Variants in TMEM59L observed in about 807,000 individuals in gnomAD.
TMEM59L encodes the protein transmembrane protein 59 like, also known as transmembrane protein 59-like.
In TMEM59L, 31 loss-of-function variants were observed where a neutral mutation model predicts 39.6. The ratio of observed to expected loss-of-function variants is 0.78; its 90% CI spans 0.59 to 1.06. The LOEUF (loss-of-function observed/expected upper bound fraction) is 1.06. Among genes scored for constraint, TMEM59L ranks in the 50% least tolerant of loss-of-function variants. TMEM59L has a pLI of 0.00. For missense variants in TMEM59L, 441 were observed against 451.3 expected (o/e 0.98, Z 0.21); for synonymous variants, 219 against 202.9 (o/e 1.08, Z -0.68).
Position 18,613,872 on chromosome 19 carries a change from G to A in TMEM59L, c.172G>A (p.Ala58Thr), listed in dbSNP as rs201488046. ...AGCCCCCTGTCCTCCCCTCCCCCAG[G>A]CGGGGCTGGAGGGCGCCTCCGAGTC... is the stretch of plus-strand genomic sequence containing the variant. ...DRDLGPQPSQ[A>T]GLEGASESPY... Residue 58 changes from alanine to threonine, a missense_variant and splice_region_variant, in exon 2 of 8, where the codon GCG becomes ACG. Transcript: ENST00000262817. 17 of 1,609,880 alleles carry A rather than the reference G, an allele frequency of 1.1e-5. No individual in the cohort carries two copies. Among genetic ancestry groups the A allele is most frequent in the Non-Finnish European group, 1.4e-5 (16 of 1,178,844 alleles).
Position 18,614,167 on chromosome 19 carries a change from A to G in TMEM59L, c.380A>G (p.Gln127Arg). 36 of 1,606,284 alleles carry G rather than the reference A, an allele frequency of 2.2e-5. No individual in the cohort carries two copies. The highest frequency in any genetic ancestry group is 3.1e-5 in the Non-Finnish European group (36 of 1,177,748). Residue 127 changes from glutamine to arginine, a missense_variant, in exon 3 of 8, where the codon CAG becomes CGG. Coordinates refer to ENST00000262817, the MANE Select transcript of TMEM59L (RefSeq NM_012109.3). ...QQACSHGCWS[Q>R]PAEPEPEQKR... The stretch of plus-strand genomic sequence containing the variant: ...GCCTGTAGCCACGGCTGCTGGAGCC[A>G]GCCCGCGGAGCCTGAGCCGGAGCAG...
In TMEM59L at chr19:18,612,885, C is replaced by T. The variant is rs957586645; in HGVS notation, c.-74C>T. The T allele has an allele frequency of 2.0e-5, 24 of 1,217,734 alleles. No individual in the cohort carries two copies. The highest frequency in any genetic ancestry group is 2.4e-5 in the Non-Finnish European group (23 of 968,580). The allele number at this position is 1,217,734 out of a possible 1,614,324, so 75.4% of individuals were successfully genotyped here. On this transcript the variant is annotated 5_prime_UTR_variant, in exon 1 of 8. Coordinates refer to ENST00000262817, the MANE Select transcript of TMEM59L (RefSeq NM_012109.3). The surrounding 1 kb of genome is among the most constrained non-coding windows in gnomAD (Gnocchi z 6.2). ...CTCGGGTGACGTCAGCGCCCCGGTC[C>T]CCGCCGCAGCCGCTGCATCCTCCGT...
chr19:18,620,123 G>A (rs750248757), intron 7 of TMEM59L, among the ~76,000 whole-genome samples: 10 of 151,484 alleles, frequency 6.6e-5, no homozygotes, highest in African/African-American at 2.2e-4. Context: ...CCAACATAGT[G>A]AAACCCCATA....
chr19:18,617,699 A>AG (rs1976446601), intron 5 of TMEM59L: 1 of 439,136 alleles, frequency 2.3e-6, no homozygotes, highest in Non-Finnish European at 4.5e-6. Context: ...CCCATCCCCC[A>AG]GGGTTCTGCA....
At position 18,620,595 on chromosome 19, in the gene TMEM59L, G is replaced by A; in HGVS notation, c.*59G>A. 2 of 1,573,690 alleles carry A rather than the reference G, an allele frequency of 1.3e-6. No homozygotes were observed. Among genetic ancestry groups the A allele is most frequent in the Non-Finnish European group, 1.7e-6 (2 of 1,158,974 alleles). On this transcript the variant is annotated 3_prime_UTR_variant, in exon 8 of 8. Transcript: ENST00000262817. ...GGGCCCCTCGGGCCTCACTTGCCCT[G>A]AGCCCAGGAGTCCAAGGGCAGGGTG...
At chr19:18,619,622 G>A (rs1976471090) in intron 7 of TMEM59L, among the ~76,000 whole-genome samples, 1 of 151,920 alleles carries the variant, frequency 6.6e-6, no homozygotes, top group African/African-American at 2.4e-5. Context: ...GGCTAACAAG[G>A]TGAAACCCCA....
chr19:18,613,906 A>G lies in TMEM59L; in HGVS notation c.206A>G (p.Asp69Gly). The G allele has an allele frequency of 1.2e-6, 2 of 1,612,346 alleles. No homozygotes were observed. Among genetic ancestry groups the G allele is most frequent in the Non-Finnish European group, 1.7e-6 (2 of 1,179,894 alleles). The change falls in exon 2 of 8, where the codon GAC (aspartate) becomes GGC (glycine). Residue 69 changes from aspartate to glycine, a missense_variant. Physicochemically the swap from Asp to Gly is moderately conservative, Grantham distance 94 (BLOSUM62 -1). Coordinates refer to ENST00000262817, the MANE Select transcript of TMEM59L (RefSeq NM_012109.3). ...GLEGASESPY[D>G]RAVLISACER... ...GAGGGCGCCTCCGAGTCTCCCTATG[A>G]CAGAGCCGTTCTGATCAGCGCTTGC...
chr19:18,617,289 T>C, intron 5 of TMEM59L, 187 bp downstream of exon 5: 1 of 679,922 alleles, frequency 1.5e-6, no homozygotes, highest in East Asian at 2.8e-5. Flanking sequence ...GGTTCCATGG[T>C]CCACTTCTCA....
At position 18,620,740 on chromosome 19, in the gene TMEM59L, G is replaced by T. The variant is rs1381811425; in HGVS notation, c.*204G>T. On this transcript the variant is annotated 3_prime_UTR_variant, in exon 8 of 8. Transcript: ENST00000262817. Reference sequence around the variant, plus strand: ...GGGAAGAGGGCGGGATCGGGCACTGGTTCCTCCTTGTCCCCGCTTTCTTGG... The same window carrying T: ...GGGAAGAGGGCGGGATCGGGCACTGTTTCCTCCTTGTCCCCGCTTTCTTGG... The T allele has an allele frequency of 1.6e-6, 1 of 614,408 alleles. No individual in the cohort carries two copies. 38.1% of individuals were successfully genotyped at this position (614,408 alleles called of 1,614,324 possible).
Position 18,617,092 on chromosome 19 carries a change from G to A in TMEM59L, c.654G>A (p.Glu218=). 6.2e-7 allele frequency: 1 copy of A among 1,613,112 alleles called. No individual in the cohort carries two copies. Among genetic ancestry groups the A allele is most frequent in the Non-Finnish European group, 8.5e-7 (1 of 1,179,648 alleles). The part of the protein sequence containing the change: ...TWRGSHPEAL[E]VHVDPVGPLD... Reference sequence around the variant, plus strand: ...GAGGCTCCCACCCTGAAGCCCTGGAGGTGCACGTGGGTAAGGTGCAACCTA... The same window carrying A: ...GAGGCTCCCACCCTGAAGCCCTGGAAGTGCACGTGGGTAAGGTGCAACCTA... Residue 218 remains glutamate (E), a synonymous_variant, in exon 5 of 8, where the codon GAG becomes GAA. Coordinates refer to ENST00000262817, the MANE Select transcript of TMEM59L (RefSeq NM_012109.3).
At chr19:18,618,299 A>C (rs879026571) in intron 6 of TMEM59L, 27 bp downstream of exon 6, 33 of 94,418 alleles carry the variant, frequency 3.5e-4, no homozygotes, top group South Asian at 5.4e-4. Context: ...TGGGGGTGGG[A>C]GGGGGGTGGG....
At chr19:18,615,669 G>C (rs1263573485) in intron 3 of TMEM59L, among the ~76,000 whole-genome samples, 2 of 152,138 alleles carry the variant, frequency 1.3e-5, no homozygotes, top group African/African-American at 4.8e-5. Context: ...GTTCAGTGGT[G>C]TGATCTTGGC....
At chr19:18,618,624 T>A in intron 7 of TMEM59L, 132 bp downstream of exon 7, 1 of 588,410 alleles carries the variant, frequency 1.7e-6, no homozygotes, top group South Asian at 2.0e-5. Context: ...TTTTTTCATG[T>A]ATATACATAT....
chr19:18,616,963 T>C, intron 4 of TMEM59L, 37 bp from the exon 5 acceptor site: 1 of 1,519,156 alleles, frequency 6.6e-7, no homozygotes, highest in Non-Finnish European at 9.0e-7. Flanking sequence ...GGTGCTGTTC[T>C]CACAAGCCTC....
chr19:18,613,504 A>T lies in TMEM59L; in HGVS notation c.172-368A>T, dbSNP rs1011373197. Among the ~76,000 whole-genome samples the T allele has an allele frequency of 4.7e-5, 7 of 149,594 alleles. No homozygotes were observed. The East Asian group carries it at 1.4e-3, about 30-fold the overall frequency. On this transcript the variant is annotated intron_variant, in intron 1 of 7. Coordinates refer to ENST00000262817, the MANE Select transcript of TMEM59L (RefSeq NM_012109.3). The stretch of plus-strand genomic sequence containing the variant: ...CTCAGAGCTACCAGCCCCTACTCAT[A>T]CCACCACTCCCCAGGATTCAAGCCT...
Position 18,612,982 on chromosome 19 carries a change from A to G in TMEM59L, c.24A>G (p.Pro8=). ...CCATGGCTGCGGTGGCGCTGATGCC[A>G]CCGCCGCTGCTGCTGCTGCTGCTGT... MAAVALM[P]PPLLLLLLLA... The change falls in exon 1 of 8, where the codon CCA becomes CCG. Residue 8 remains proline (P), a synonymous_variant. Transcript: ENST00000262817. This position sits in a 1 kb window ranked among gnomAD's most constrained non-coding sequence, Gnocchi z 6.2. 1.5e-6 allele frequency: 2 copies of G among 1,348,442 alleles called. No homozygotes were observed. Among genetic ancestry groups the G allele is most frequent in the Non-Finnish European group, 9.5e-7 (1 of 1,053,972 alleles). 83.5% of individuals were successfully genotyped at this position (1,348,442 alleles called of 1,614,324 possible). A position where few individuals can be genotyped will look rare whatever the true frequency, so the allele number is the denominator to read the frequency against.
chr19:18,618,515 G>C (rs370701150), intron 7 of TMEM59L, 23 bp downstream of exon 7: 2 of 1,589,088 alleles, frequency 1.3e-6, no homozygotes, highest in Non-Finnish European at 1.7e-6. Flanking sequence ...TGTGAATGGC[G>C]CTGGGCCGAG....
In TMEM59L at chr19:18,620,596, A is replaced by C; in HGVS notation, c.*60A>C. The C allele has an allele frequency of 1.3e-6, 2 of 1,574,016 alleles. No homozygotes were observed. Among genetic ancestry groups the C allele is most frequent in the Non-Finnish European group, 1.7e-6 (2 of 1,158,952 alleles). On this transcript the variant is annotated 3_prime_UTR_variant, in exon 8 of 8. Transcript: ENST00000262817. ...GGCCCCTCGGGCCTCACTTGCCCTGAGCCCAGGAGTCCAAGGGCAGGGTGG... is the reference window on the plus strand; with the variant it reads ...GGCCCCTCGGGCCTCACTTGCCCTGCGCCCAGGAGTCCAAGGGCAGGGTGG...
chr19:18,620,469 C>T lies in TMEM59L; in HGVS notation c.962C>T (p.Pro321Leu), dbSNP rs552926534. The T allele has an allele frequency of 2.5e-5, 41 of 1,613,726 alleles. No individual in the cohort carries two copies. Among genetic ancestry groups the T allele is most frequent in the South Asian group, 5.5e-5 (5 of 91,080 alleles). ...MMEPDWPLYP[P>L]PSHACEDSLP... ...GAGCCCGATTGGCCCCTGTACCCGC[C>T]GCCGTCCCACGCCTGTGAGGACAGC... Residue 321 changes from proline to leucine, a missense_variant, in exon 8 of 8, where the codon CCG becomes CTG. By Grantham distance (98) the Pro-to-Leu change is moderately conservative. Transcript: ENST00000262817.
Sources: gnomAD v4.1 joint callset for allele counts (sites outside exome capture counted in the v4.1 genomes callset) on GRCh38, gnomAD v4.1.1 for gene constraint, Gnocchi (gnomAD v3.1) non-coding constraint, MANE v1.5 for transcripts, NCBI Gene and HGNC (gene_info 2026-07-23, HGNC 2026-07-21) for gene names.